Variants in SMIM41 observed in about 807,000 individuals in gnomAD.
SMIM41 encodes the protein small integral membrane protein 41.
At chr12:52,107,290 G>A (rs1195924743) in intron 2 of SMIM41, 89 bp from the exon 3 acceptor site, 1 of 427,584 alleles carries the variant, frequency 2.3e-6, no homozygotes, top group Non-Finnish European at 4.7e-6. Flanking sequence ...ACTTGTTTCT[G>A]ATTTCTCAAC....
intron 2 of SMIM41, among the ~76,000 whole-genome samples, chr12:52,099,630 C>A (rs1159563891): frequency 4.6e-5 from 7 of 152,004 alleles, no homozygotes; most frequent in Non-Finnish European, 7.4e-5. Flanking sequence ...TCGTTCCCTC[C>A]TTCCCTGGAT....
chr12:52,081,352 T>C lies in SMIM41; in HGVS notation c.*120+1171T>C, dbSNP rs979366408. 6.6e-6 allele frequency among the ~76,000 whole-genome samples: 1 copy of C among 151,948 alleles called. No homozygotes were observed. The highest frequency in any genetic ancestry group is 2.4e-5 in the African/African-American group (1 of 41,362). On this transcript the variant is annotated intron_variant, in intron 1 of 2. Transcript: ENST00000546390. This position sits in a 1 kb window ranked among gnomAD's most constrained non-coding sequence, Gnocchi z 4.1. ...CGAGAAAGGAGTCAGGCTGAGTGCC[T>C]GTGAGGGGCAGCGGGAGGGTGTGGG...
intron 2 of SMIM41, among the ~76,000 whole-genome samples, chr12:52,099,865 C>T (rs2120709448): frequency 6.6e-6 from 1 of 151,920 alleles, no homozygotes; most frequent in South Asian, 2.1e-4. Context: ...CTCTCCCGCC[C>T]TGAATATTTA....
intron 2 of SMIM41, among the ~76,000 whole-genome samples, chr12:52,096,149 G>A (rs1226590398): frequency 1.3e-5 from 2 of 151,702 alleles, no homozygotes; most frequent in Non-Finnish European, 2.9e-5. Context: ...GCTGCACACA[G>A]CCTGCAATAT....
intron 2 of SMIM41, among the ~76,000 whole-genome samples, chr12:52,095,774 C>T (rs1421997647): frequency 4.6e-5 from 7 of 152,100 alleles, no homozygotes; most frequent in Non-Finnish European, 1.0e-4. Context: ...GGGCTGTACA[C>T]ACCCTGCACT....
chr12:52,098,139 G>A (rs1480646362), intron 2 of SMIM41, among the ~76,000 whole-genome samples: 1 of 152,090 alleles, frequency 6.6e-6, no homozygotes, highest in Non-Finnish European at 1.5e-5. Context: ...TGTCACGGGG[G>A]ATGTACAACT....
chr12:52,086,226 T>A (rs1939890724), intron 2 of SMIM41, among the ~76,000 whole-genome samples: 1 of 152,012 alleles, frequency 6.6e-6, no homozygotes, highest in African/African-American at 2.4e-5. Flanking sequence ...TGAGCAGTTC[T>A]GGGGTGCTGA....
intron 2 of SMIM41, among the ~76,000 whole-genome samples, chr12:52,104,677 G>A (rs893777738): frequency 9.2e-5 from 14 of 151,824 alleles, no homozygotes; most frequent in African/African-American, 2.9e-4. Flanking sequence ...TATGGTCGGG[G>A]GGGGGCGGTC....
chr12:52,097,678 G>A (rs1001392860), intron 2 of SMIM41, among the ~76,000 whole-genome samples: 2 of 152,050 alleles, frequency 1.3e-5, no homozygotes, highest in African/African-American at 4.8e-5. Flanking sequence ...AATATCACAG[G>A]GGCGTGTATT....
At chr12:52,097,410 G>A (rs954313638) in intron 2 of SMIM41, among the ~76,000 whole-genome samples, 5 of 151,780 alleles carry the variant, frequency 3.3e-5, no homozygotes, top group African/African-American at 1.2e-4. Context: ...GATGCAGGGA[G>A]TAATACCTAC....
rs532903924 is a variant in SMIM41, at chr12:52,102,946, G to C, written c.*196-4433G>C. ...CATTATTCACAACAGCCAAAATGGG[G>C]AAGCAACCCAAGGGTTCGTGGACAG... On this transcript the variant is annotated intron_variant, in intron 2 of 2. Coordinates refer to ENST00000546390, the MANE Select transcript of SMIM41 (RefSeq NM_001369216.1). Among the ~76,000 whole-genome samples, 171 of 152,342 alleles carry C rather than the reference G, an allele frequency of 1.1e-3. 3 individuals are homozygous for C. The highest frequency in any genetic ancestry group is 0.011 in the Admixed American group (171 of 15,302).
chr12:52,103,195 C>T (rs1293037399), intron 2 of SMIM41, among the ~76,000 whole-genome samples: 1 of 151,774 alleles, frequency 6.6e-6, no homozygotes, highest in Admixed American at 6.6e-5. Context: ...AGCGTGGTGG[C>T]GTGTGCCTAT....
chr12:52,094,197 A>ATTTC (rs1940051874), intron 2 of SMIM41, among the ~76,000 whole-genome samples: 1 of 131,684 alleles, frequency 7.6e-6, no homozygotes, highest in South Asian at 2.5e-4. Flanking sequence ...GAAGTTTTTG[A>ATTTC]TTTTTTTTTT....
At chr12:52,102,107 A>G (rs1940227882) in intron 2 of SMIM41, among the ~76,000 whole-genome samples, 1 of 152,220 alleles carries the variant, frequency 6.6e-6, no homozygotes, top group Non-Finnish European at 1.5e-5. Context: ...TTTTAACATG[A>G]GTGCTAAGAA....
rs1297831765 is a variant in SMIM41 at position 52,081,801 on chromosome 12, A to T, written c.*120+1620A>T. On this transcript the variant is annotated intron_variant, in intron 1 of 2. Transcript: ENST00000546390. This position sits in a 1 kb window ranked among gnomAD's most constrained non-coding sequence, Gnocchi z 4.1. ...CCCTTTCTTTTACACGCGGGAGAACAGTAAGTGACATGCTCACATGAATGA... is the reference window on the plus strand; with the variant it reads ...CCCTTTCTTTTACACGCGGGAGAACTGTAAGTGACATGCTCACATGAATGA... Among the ~76,000 whole-genome samples, 2 of 152,164 alleles carry T rather than the reference A, an allele frequency of 1.3e-5. No homozygotes were observed. Among genetic ancestry groups the T allele is most frequent in the African/African-American group, 4.8e-5 (2 of 41,432 alleles).
chr12:52,100,715 C>G (rs1366824905), intron 2 of SMIM41, among the ~76,000 whole-genome samples: 3 of 150,526 alleles, frequency 2.0e-5, no homozygotes, highest in African/African-American at 7.4e-5. Flanking sequence ...TCAGGTGATC[C>G]ACCCACTTCG....
intron 1 of SMIM41, among the ~76,000 whole-genome samples, chr12:52,083,259 C>T (rs1939844341): frequency 6.6e-6 from 1 of 152,054 alleles, no homozygotes; most frequent in African/African-American, 2.4e-5. Context: ...TGACCGGCCC[C>T]TGCTGCAAGT....
At chr12:52,091,697 G>A (rs960722528) in intron 2 of SMIM41, among the ~76,000 whole-genome samples, 1 of 152,212 alleles carries the variant, frequency 6.6e-6, no homozygotes, top group African/African-American at 2.4e-5. Context: ...ATCATAGAGT[G>A]GGGAGGAGGG....
chr12:52,083,055 C>T (rs79291254), intron 1 of SMIM41, among the ~76,000 whole-genome samples: 9,483 of 152,168 alleles, frequency 0.062, 926 homozygotes, highest in African/African-American at 0.21. Flanking sequence ...TGGAAGTGCT[C>T]GGTGTGGGCC....
Sources: allele counts gnomAD v4.1 joint callset (sites outside exome capture counted in the v4.1 genomes callset), GRCh38; gene constraint gnomAD v4.1.1; non-coding constraint Gnocchi (gnomAD v3.1); transcripts MANE v1.5; gene names NCBI Gene and HGNC (gene_info 2026-07-23, HGNC 2026-07-21).